The following DRC5 variants were observed in gnomAD, a reference collection of about 807,000 sequenced individuals.
DRC5 encodes T-complex-associated testis-expressed protein 1.
At chr6:44,284,851 T>C in the DRC5 span, among the ~76,000 whole-genome samples, 1 of 152,266 alleles carries the variant, frequency 6.6e-6, no homozygotes, top group African/African-American at 2.4e-5. Context: ...GTAATCTGCA[T>C]GTCCACTGCT....
chr6:44,289,333 G>A, the DRC5 span, among the ~76,000 whole-genome samples: 154 of 152,116 alleles, frequency 1.0e-3, 1 homozygote, highest in Non-Finnish European at 1.9e-3. Context: ...CACTGTGCCT[G>A]ACCATGAAAT....
At chr6:44,283,563 C>G in the DRC5 span, among the ~76,000 whole-genome samples, 1 of 152,164 alleles carries the variant, frequency 6.6e-6, no homozygotes, top group Non-Finnish European at 1.5e-5. Flanking sequence ...TTTTTATACC[C>G]CTCTTACCCA....
chr6:44,282,243 G>A, the DRC5 span: 3 of 1,614,232 alleles, frequency 1.9e-6, no homozygotes, highest in African/African-American at 4.0e-5. Context: ...GCACTTGTTG[G>A]TCTGCAAGGC....
chr6:44,294,789 A>AG, the DRC5 span, among the ~76,000 whole-genome samples: 6 of 150,982 alleles, frequency 4.0e-5, no homozygotes, highest in African/African-American at 9.7e-5. Flanking sequence ...AAAAAAAAAA[A>AG]AAAAGAAAGA....
the DRC5 span, chr6:44,278,991 C>T: frequency 6.6e-6 from 1 of 152,202 alleles, no homozygotes; most frequent in South Asian, 2.1e-4. Context: ...GCAGTCACTC[C>T]CAAGCCCCCT....
chr6:44,295,683 A>G, the DRC5 span, among the ~76,000 whole-genome samples: 1 of 152,086 alleles, frequency 6.6e-6, no homozygotes, highest in Non-Finnish European at 1.5e-5. Flanking sequence ...ATTTATTGAG[A>G]GCTCTAGGCC....
chr6:44,279,752 T>G, the DRC5 span: 6 of 33,214 alleles, frequency 1.8e-4, no homozygotes, highest in Admixed American at 4.3e-4. Context: ...CCAGAGGGTG[T>G]GTGTGTGTGT....
the DRC5 span, among the ~76,000 whole-genome samples, chr6:44,296,696 C>T: frequency 6.6e-6 from 1 of 152,212 alleles, no homozygotes; most frequent in Non-Finnish European, 1.5e-5. Context: ...CCTCTGTGCC[C>T]GGGACACTTC....
the DRC5 span, chr6:44,282,175 A>T: frequency 1.9e-6 from 3 of 1,614,214 alleles, no homozygotes; most frequent in African/African-American, 4.0e-5. Context: ...AGCACCTGTG[A>T]CAGGAGTGTG....
At chr6:44,286,398 G>A in the DRC5 span, 9 of 1,614,162 alleles carry the variant, frequency 5.6e-6, no homozygotes, top group East Asian at 2.2e-5. Flanking sequence ...ACGGGCCAGC[G>A]ATGCATGCAG....
the DRC5 span, among the ~76,000 whole-genome samples, chr6:44,290,889 G>C: frequency 1.3e-5 from 2 of 152,154 alleles, no homozygotes; most frequent in Non-Finnish European, 2.9e-5. Flanking sequence ...GGCCAGGTGG[G>C]ATGCCTCTGC....
At chr6:44,289,506 T>G in the DRC5 span, among the ~76,000 whole-genome samples, 12 of 152,158 alleles carry the variant, frequency 7.9e-5, no homozygotes, top group African/African-American at 2.9e-4. Flanking sequence ...GGCTACTGTT[T>G]CAGAGAGTGC....
the DRC5 span, among the ~76,000 whole-genome samples, chr6:44,285,154 C>T: frequency 6.6e-6 from 1 of 152,192 alleles, no homozygotes; most frequent in African/African-American, 2.4e-5. Flanking sequence ...GACTGTAACT[C>T]GTCCTCCTCC....
At chr6:44,293,594 G>A in the DRC5 span, among the ~76,000 whole-genome samples, 2 of 152,196 alleles carry the variant, frequency 1.3e-5, no homozygotes, top group Admixed American at 6.5e-5. Context: ...TGGGGCCAGC[G>A]TCTGAGGGCA....
the DRC5 span, among the ~76,000 whole-genome samples, chr6:44,284,782 G>A: frequency 6.6e-6 from 1 of 152,162 alleles, no homozygotes; most frequent in Non-Finnish European, 1.5e-5. Context: ...AGTCTCCACA[G>A]ACACTACCCT....
the DRC5 span, chr6:44,286,465 G>A: frequency 1.2e-6 from 2 of 1,614,202 alleles, no homozygotes; most frequent in Non-Finnish European, 1.7e-6. Context: ...CCAGTGGTAG[G>A]TCAGGGGACA....
the DRC5 span, among the ~76,000 whole-genome samples, chr6:44,294,193 G>T: frequency 6.6e-6 from 1 of 152,182 alleles, no homozygotes; most frequent in East Asian, 1.9e-4. Context: ...TATTGGTCAG[G>T]CTGGTCTTGA....
the DRC5 span, chr6:44,287,860 T>C: frequency 1.9e-6 from 3 of 1,597,024 alleles, no homozygotes; most frequent in East Asian, 6.7e-5. Flanking sequence ...GCGTGGCCCC[T>C]GGATGGCCTT....
chr6:44,289,414 G>A, the DRC5 span, among the ~76,000 whole-genome samples: 316 of 152,134 alleles, frequency 2.1e-3, 2 homozygotes, highest in Admixed American at 7.2e-3. Context: ...TTATTAATGC[G>A]ACATTTTATA....
Sources: gnomAD v4.1 joint callset for allele counts (sites outside exome capture counted in the v4.1 genomes callset) on GRCh38, gnomAD v4.1.1 for gene constraint, MANE v1.5 for transcripts, NCBI Gene and HGNC (gene_info 2026-07-23, HGNC 2026-07-21) for gene names.